GALR1: variants seen among roughly 807,000 people sequenced by gnomAD.
GALR1 encodes the protein galanin receptor 1, also known as galanin receptor type 1.
In GALR1, 11 loss-of-function variants were observed where a neutral mutation model predicts 17.9. The ratio of observed to expected loss-of-function variants is 0.62; its 90% CI spans 0.39 to 1.02. GALR1 has a LOEUF of 1.02. GALR1 is among the 50% of genes least tolerant of loss of function. The pLI, the probability that GALR1 is intolerant of heterozygous loss-of-function variation, is 0.01. For synonymous variants in GALR1, 206 were observed against 205.7 expected (o/e 1.00, Z -0.01); for missense variants, 441 against 456.9 (o/e 0.97, Z 0.32).
chr18:77,261,355 G>A (rs993397602), intron 2 of GALR1, among the ~76,000 whole-genome samples: 2 of 152,196 alleles, frequency 1.3e-5, no homozygotes, highest in South Asian at 4.1e-4. Flanking sequence ...GGACATGCCC[G>A]TCTGACGGAG....
In GALR1 at chr18:77,256,241, A is replaced by G. The variant is rs750044728; in HGVS notation, c.732+18A>G. On this transcript the variant is annotated intron_variant, in intron 2 of 2. Transcript: ENST00000299727. ...AGAAAAAGGTAATGATCACAAATAT[A>G]TATATATATGTTACTTTTCAGAGCT... 3.0e-6 allele frequency: 4 copies of G among 1,348,238 alleles called. No homozygotes were observed. The East Asian group carries it at 6.9e-5, about 23-fold the overall frequency. The allele number at this position is 1,348,238 out of a possible 1,614,324, so 83.5% of individuals were successfully genotyped here. A position where few individuals can be genotyped will look rare whatever the true frequency, so the allele number is the denominator to read the frequency against.
chr18:77,260,329 A>G (rs1259356107), intron 2 of GALR1, among the ~76,000 whole-genome samples: 1 of 152,032 alleles, frequency 6.6e-6, no homozygotes, highest in Non-Finnish European at 1.5e-5. Flanking sequence ...CCCATTATTC[A>G]TAGGGTGGGA....
intron 1 of GALR1, among the ~76,000 whole-genome samples, chr18:77,254,716 C>G (rs1031665584): frequency 6.6e-6 from 1 of 152,236 alleles, no homozygotes; most frequent in African/African-American, 2.4e-5. Context: ...CAGGAAATCC[C>G]TGTTCTGTCG....
rs766584535 is a variant in GALR1 at position 77,250,683 on chromosome 18, G to T, written c.135G>T (p.Ala45=). ...TGGTGGTGTTCGGCCTGATCTTCGC[G>T]CTGGGTGTGCTGGGCAACAGCCTAG... ...VTLVVFGLIF[A]LGVLGNSLVI... Residue 45 remains alanine (A), a synonymous_variant, in exon 1 of 3, where the codon GCG becomes GCT. Coordinates refer to ENST00000299727, the MANE Select transcript of GALR1 (RefSeq NM_001480.4). 6 of 1,612,930 alleles carry T rather than the reference G, an allele frequency of 3.7e-6. No homozygotes were observed. The African/African-American group carries it at 4.0e-5, about 11-fold the overall frequency.
In GALR1 at chr18:77,271,447, A is replaced by G. The variant is rs536742254; in HGVS notation, c.*2545A>G. On this transcript the variant is annotated 3_prime_UTR_variant, in exon 3 of 3. Transcript: ENST00000299727. ...TAAACCTCTACAAAATTTTCTGAAT[A>G]AAGAGTTTCAGAAGAACTCGTAAAC... 152 of 152,348 alleles carry G rather than the reference A, an allele frequency of 1.0e-3. No individual in the cohort carries two copies. The highest frequency in any genetic ancestry group is 3.5e-3 in the African/African-American group (146 of 41,582). The allele number at this position is 152,348 out of a possible 1,614,324, so 9.4% of individuals were successfully genotyped here.
intron 2 of GALR1, among the ~76,000 whole-genome samples, chr18:77,260,556 A>G (rs1474072015): frequency 1.3e-5 from 2 of 152,122 alleles, no homozygotes; most frequent in Admixed American, 1.3e-4. Context: ...AATTTTTTGG[A>G]CGGGGTGGGG....
In GALR1 at chr18:77,272,846, T is replaced by C. The variant is rs977531860; in HGVS notation, c.*3944T>C. ...GAACAAAATTATGAAATGGTAATTA[T>C]ATCTGATTTTATTTAACCATATTTT... On this transcript the variant is annotated 3_prime_UTR_variant, in exon 3 of 3. Transcript: ENST00000299727. 1 of 152,266 alleles carries C rather than the reference T, an allele frequency of 6.6e-6. No homozygotes were observed. The highest frequency in any genetic ancestry group is 2.4e-5 in the African/African-American group (1 of 41,474). 9.4% of individuals were successfully genotyped at this position (152,266 alleles called of 1,614,324 possible).
In GALR1 at chr18:77,275,556, C is replaced by G. The variant is rs188374729; in HGVS notation, c.*6654C>G. On this transcript the variant is annotated 3_prime_UTR_variant, in exon 3 of 3. Coordinates refer to ENST00000299727, the MANE Select transcript of GALR1 (RefSeq NM_001480.4). ...TGTCTTGCTATGTGACTTGCCATTG[C>G]GGTCACTGGTTATACAAAGTCTCTG... 4.6e-5 allele frequency: 7 copies of G among 152,128 alleles called. No individual in the cohort carries two copies. The highest frequency in any genetic ancestry group is 1.7e-4 in the African/African-American group (7 of 41,404). 9.4% of individuals were successfully genotyped at this position (152,128 alleles called of 1,614,324 possible).
intron 2 of GALR1, among the ~76,000 whole-genome samples, chr18:77,259,423 A>ATGG (rs1198828460): frequency 1.7e-5 from 2 of 119,098 alleles, no homozygotes; most frequent in Non-Finnish European, 3.5e-5. Flanking sequence ...GGTGGTGATG[A>ATGG]TGGTCATGGT....
At chr18:77,253,903 G>C (rs899555912) in intron 1 of GALR1, 1 of 152,190 alleles carries the variant, frequency 6.6e-6, no homozygotes, top group Non-Finnish European at 1.5e-5. Context: ...GAAACTCATC[G>C]AATACATGGG....
chr18:77,260,031 C>T (rs1232129309), intron 2 of GALR1, among the ~76,000 whole-genome samples: 6 of 152,076 alleles, frequency 3.9e-5, no homozygotes, highest in Admixed American at 3.9e-4. Flanking sequence ...TACTTGTTTC[C>T]AGCCCTTTCT....
At chr18:77,251,271 C>T (rs75393275) in intron 1 of GALR1, 57 bp downstream of exon 1, 50,965 of 1,542,622 alleles carry the variant, frequency 0.033, 1,243 homozygotes, top group African/African-American at 0.12. Flanking sequence ...CCGGTGGGGG[C>T]CCTGGGGTCT....
chr18:77,250,452 C>T lies in GALR1; in HGVS notation c.-97C>T, dbSNP rs1568376445. 8.6e-6 allele frequency: 11 copies of T among 1,277,870 alleles called. No homozygotes were observed. The highest frequency in any genetic ancestry group is 1.1e-5 in the Non-Finnish European group (11 of 977,398). 79.2% of individuals were successfully genotyped at this position (1,277,870 alleles called of 1,614,324 possible). A position where few individuals can be genotyped will look rare whatever the true frequency, so the allele number is the denominator to read the frequency against. Reference sequence around the variant, plus strand: ...CTCAGACTCCTAAACTCGCACTCTCCGTGCTTTGCGCCGGGACCCCTGGCC... The same window carrying T: ...CTCAGACTCCTAAACTCGCACTCTCTGTGCTTTGCGCCGGGACCCCTGGCC... On this transcript the variant is annotated 5_prime_UTR_variant, in exon 1 of 3. Transcript: ENST00000299727.
rs1238552836 is a variant in GALR1, at chr18:77,271,828, G to C, written c.*2926G>C. The C allele has an allele frequency of 6.6e-6, 1 of 152,182 alleles. No homozygotes were observed. Among genetic ancestry groups the C allele is most frequent in the African/African-American group, 2.4e-5 (1 of 41,428 alleles). The allele number at this position is 152,182 out of a possible 1,614,324, so 9.4% of individuals were successfully genotyped here. On this transcript the variant is annotated 3_prime_UTR_variant, in exon 3 of 3. Transcript: ENST00000299727. ...CTTTGGGATATTTAGTAGCTGAAAT[G>C]CTTGCTGTTTCACATGCATAAGCAA...
At chr18:77,253,272 C>T (rs116416028) in intron 1 of GALR1, among the ~76,000 whole-genome samples, 1 of 152,064 alleles carries the variant, frequency 6.6e-6, no homozygotes, top group Non-Finnish European at 1.5e-5. Context: ...GGAAAAAGAG[C>T]TTTGGAAAGG....
intron 2 of GALR1, among the ~76,000 whole-genome samples, chr18:77,258,844 G>A (rs1455200799): frequency 2.0e-4 from 1 of 4,968 alleles, no homozygotes; most frequent in African/African-American, 5.7e-4. Context: ...TGGTGGTGAT[G>A]GTGGTGGTGA....
chr18:77,257,242 G>A (rs555432157), intron 2 of GALR1, among the ~76,000 whole-genome samples: 11 of 152,128 alleles, frequency 7.2e-5, no homozygotes, highest in African/African-American at 2.4e-4. Context: ...ACCAGTGGTA[G>A]AGAATTGGTT....
chr18:77,277,352 C>T lies in GALR1; in HGVS notation c.*8450C>T, dbSNP rs763206392. On this transcript the variant is annotated 3_prime_UTR_variant, in exon 3 of 3. Coordinates refer to ENST00000299727, the MANE Select transcript of GALR1 (RefSeq NM_001480.4). Reference sequence around the variant, plus strand: ...AATTATGGGGCCGGTTTCTCTCATACTGTTCTTGCGATAGTGAGTTCTCAG... The same window carrying T: ...AATTATGGGGCCGGTTTCTCTCATATTGTTCTTGCGATAGTGAGTTCTCAG... 11 of 152,148 alleles carry T rather than the reference C, an allele frequency of 7.2e-5. No homozygotes were observed. The highest frequency in any genetic ancestry group is 1.0e-4 in the Non-Finnish European group (7 of 68,034). 9.4% of individuals were successfully genotyped at this position (152,148 alleles called of 1,614,324 possible).
At chr18:77,258,827 CTGGTGATGGTGGTGATGGTGG>C (rs1028592890) in intron 2 of GALR1, among the ~76,000 whole-genome samples, 3 of 20,466 alleles carry the variant, frequency 1.5e-4, no homozygotes, top group East Asian at 1.8e-3. Context: ...GGTGGTGGTG[CTGGTGATGGTGGTGATGGTGG>C]TGGTGATGGT....
Sources: allele counts gnomAD v4.1 joint callset (sites outside exome capture counted in the v4.1 genomes callset), GRCh38; gene constraint gnomAD v4.1.1; transcripts MANE v1.5; gene names NCBI Gene and HGNC (gene_info 2026-07-23, HGNC 2026-07-21).